The following SLC24A3 variants were observed in gnomAD, a reference collection of about 807,000 sequenced individuals.
SLC24A3 encodes solute carrier family 24 member 3, also known as sodium/potassium/calcium exchanger 3.
Under a neutral mutation model 75.8 loss-of-function variants are expected in SLC24A3, and 28 were observed. That is an observed-to-expected ratio of 0.37 (90% CI 0.27 to 0.51). The LOEUF is 0.51. Among genes scored for constraint, SLC24A3 ranks in the 20% least tolerant of loss-of-function variants. The pLI, the probability that SLC24A3 is intolerant of heterozygous loss-of-function variation, is 0.94. For synonymous variants in SLC24A3, 372 were observed against 334.1 expected, an observed-to-expected ratio of 1.11 and a Z score of -1.24; for missense variants, 663 against 847.8, an observed-to-expected ratio of 0.78 and a Z score of 2.71.
At chr20:19,382,329 T>C (rs949604852) in intron 2 of SLC24A3, among the ~76,000 whole-genome samples, 1 of 152,216 alleles carries the variant, frequency 6.6e-6, no homozygotes, top group Non-Finnish European at 1.5e-5. Context: ...ACTCGATTAC[T>C]GTTGATGATG....
intron 1 of SLC24A3, among the ~76,000 whole-genome samples, chr20:19,239,034 T>C (rs1982252272): frequency 6.7e-6 from 1 of 150,258 alleles, no homozygotes; most frequent in Admixed American, 6.6e-5. Context: ...TGGGATGCAG[T>C]TGGGAATCAC....
At chr20:19,315,554 C>T (rs1208726746) in intron 2 of SLC24A3, among the ~76,000 whole-genome samples, 2 of 152,014 alleles carry the variant, frequency 1.3e-5, no homozygotes, top group Non-Finnish European at 2.9e-5. Context: ...CCTCCCTGGG[C>T]TATGGATTCT....
chr20:19,617,205 C>T (rs1009999115), intron 6 of SLC24A3, among the ~76,000 whole-genome samples: 1 of 152,258 alleles, frequency 6.6e-6, no homozygotes, highest in African/African-American at 2.4e-5. Context: ...TTTCCCTGGA[C>T]TCTCGAGTCT....
intron 15 of SLC24A3, 44 bp downstream of exon 15, chr20:19,698,724 G>A (rs755227468): frequency 2.0e-5 from 29 of 1,456,792 alleles, no homozygotes; most frequent in African/African-American, 9.8e-5. Context: ...CCAGGGCTAC[G>A]TGACTGTGTT....
chr20:19,241,608 G>A (rs560761311), intron 1 of SLC24A3, among the ~76,000 whole-genome samples: 2 of 152,318 alleles, frequency 1.3e-5, no homozygotes, highest in East Asian at 3.9e-4. Context: ...TGCATGCCCG[G>A]GGCGTTTCCC....
chr20:19,381,782 C>T lies in SLC24A3; in HGVS notation c.271+100695C>T, dbSNP rs140938165. Among the ~76,000 whole-genome samples the T allele has an allele frequency of 1.6e-4, 24 of 152,278 alleles. No individual in the cohort carries two copies. The East Asian group carries it at 4.4e-3, about 28-fold the overall frequency. On this transcript the variant is annotated intron_variant, in intron 2 of 16. Transcript: ENST00000328041. ...AGGTGAAGGTTCCCAGAATAAATGT[C>T]TTGAGATTTTAAGCAAGGTGTAGTA...
chr20:19,427,815 G>C (rs6046084), intron 2 of SLC24A3, among the ~76,000 whole-genome samples: 21,012 of 152,228 alleles, frequency 0.14, 2,005 homozygotes, highest in East Asian at 0.4. Context: ...GTCTGGAAAG[G>C]GGCTTTTATC....
chr20:19,538,666 T>C (rs903824153), intron 3 of SLC24A3, among the ~76,000 whole-genome samples: 2 of 152,206 alleles, frequency 1.3e-5, no homozygotes, highest in East Asian at 3.8e-4. Context: ...CTCATCTGCT[T>C]CTGGAGGAAC....
At chr20:19,309,406 G>C (rs1005267046) in intron 2 of SLC24A3, among the ~76,000 whole-genome samples, 1 of 152,150 alleles carries the variant, frequency 6.6e-6, no homozygotes, top group Admixed American at 6.5e-5. Flanking sequence ...ATGTTCTCTT[G>C]CCTTCTGCTA....
chr20:19,545,048 A>G (rs995853850), intron 3 of SLC24A3, among the ~76,000 whole-genome samples: 7 of 152,352 alleles, frequency 4.6e-5, no homozygotes, highest in Admixed American at 2.0e-4. Context: ...AAGATTTAGT[A>G]GAAGATAGAT....
rs568531338 is a variant in SLC24A3 at position 19,289,115 on chromosome 20, G to C, written c.271+8028G>C. Among the ~76,000 whole-genome samples, 12 of 152,198 alleles carry C rather than the reference G, an allele frequency of 7.9e-5. 1 individual carries two copies. In the East Asian group the frequency reaches 1.9e-3, roughly 25 times the overall value. On this transcript the variant is annotated intron_variant, in intron 2 of 16. Transcript: ENST00000328041. ...CTGATCCTTCCCCCAGGTGGTGCCTGTGCCATATTGCATATTTTTAATGTC... is the reference window on the plus strand; with the variant it reads ...CTGATCCTTCCCCCAGGTGGTGCCTCTGCCATATTGCATATTTTTAATGTC...
At chr20:19,549,157 G>A (rs79025577) in intron 3 of SLC24A3, among the ~76,000 whole-genome samples, 104 of 152,324 alleles carry the variant, frequency 6.8e-4, no homozygotes, top group African/African-American at 2.3e-3. Context: ...GGATTAAATA[G>A]AACTCAGTCA....
intron 2 of SLC24A3, among the ~76,000 whole-genome samples, chr20:19,391,272 T>C (rs1986360011): frequency 6.6e-6 from 1 of 152,218 alleles, no homozygotes; most frequent in Non-Finnish European, 1.5e-5. Flanking sequence ...TGGGCCATAG[T>C]GAACCACCAG....
chr20:19,537,934 G>A (rs951124791), intron 3 of SLC24A3, among the ~76,000 whole-genome samples: 7 of 151,482 alleles, frequency 4.6e-5, no homozygotes, highest in East Asian at 3.9e-4. Flanking sequence ...GCTAAATGAC[G>A]AGTTAATGGG....
chr20:19,212,877 G>T lies in SLC24A3; in HGVS notation c.35G>T (p.Arg12Leu). The change falls in exon 1 of 17, where the codon CGC (arginine) becomes CTC (leucine). Residue 12 changes from arginine to leucine, a missense_variant. Coordinates refer to ENST00000328041, the MANE Select transcript of SLC24A3 (RefSeq NM_020689.4). ...TCCGGCGACGAGGACCGCGCGCGTC[G>T]CCGCCGCCGCCGCCGCCGCCGGAGG... is the stretch of plus-strand genomic sequence containing the variant. Reference protein sequence around the residue: ...RPSGDEDRARRRRRRRRRRDL... With the variant: ...RPSGDEDRARLRRRRRRRRDL... The T allele has an allele frequency of 8.2e-7, 1 of 1,221,854 alleles. No homozygotes were observed. The highest frequency in any genetic ancestry group is 1.0e-6 in the Non-Finnish European group (1 of 974,650). 75.7% of individuals were successfully genotyped at this position (1,221,854 alleles called of 1,614,324 possible). A position where few individuals can be genotyped will look rare whatever the true frequency, so the allele number is the denominator to read the frequency against.
intron 1 of SLC24A3, chr20:19,213,489 G>A (rs891616559): frequency 6.6e-6 from 1 of 152,526 alleles, no homozygotes; most frequent in African/African-American, 2.4e-5. Context: ...CCCCCTTTCA[G>A]AACAGGTGCC....
intron 2 of SLC24A3, among the ~76,000 whole-genome samples, chr20:19,403,774 A>G (rs551378273): frequency 1.3e-5 from 2 of 152,320 alleles, no homozygotes; most frequent in Admixed American, 6.5e-5. Context: ...GGACTTTGAC[A>G]TATTTCAGGA....
chr20:19,371,345 G>A (rs1417489535), intron 2 of SLC24A3, among the ~76,000 whole-genome samples: 1 of 142,650 alleles, frequency 7.0e-6, no homozygotes, highest in Non-Finnish European at 1.5e-5. Flanking sequence ...GAGGGTAAAG[G>A]CCCAGGAGGT....
intron 3 of SLC24A3, among the ~76,000 whole-genome samples, chr20:19,554,897 A>T (rs930233625): frequency 2.0e-5 from 3 of 152,170 alleles, no homozygotes; most frequent in African/African-American, 4.8e-5. Context: ...GCCACCCACC[A>T]ATTTAAAGGG....
Sources: allele counts gnomAD v4.1 joint callset (sites outside exome capture counted in the v4.1 genomes callset), GRCh38; gene constraint gnomAD v4.1.1; transcripts MANE v1.5; gene names NCBI Gene and HGNC (gene_info 2026-07-23, HGNC 2026-07-21).